The following CNTNAP2 variants were observed in gnomAD, a reference collection of about 807,000 sequenced individuals.
The protein encoded by CNTNAP2 is contactin associated protein 2.
CNTNAP2 carries 98 observed loss-of-function variants against 155.2 expected under a neutral mutation model. The observed-to-expected ratio is 0.63, with a 90% CI of 0.54 to 0.75. The LOEUF (loss-of-function observed/expected upper bound fraction) is 0.75. Ranked by LOEUF, CNTNAP2 falls within the 30% of genes least tolerant of loss-of-function variation. The pLI is 0.00. For missense variants in CNTNAP2, 1,727 were observed against 1,688.1 expected (o/e 1.02, Z -0.40); for synonymous variants, 651 against 631.2 (o/e 1.03, Z -0.47).
chr7:147,486,062 C>T, intron 11 of CNTNAP2, 21 bp downstream of exon 11: 1 of 1,593,942 alleles, frequency 6.3e-7, no homozygotes, highest in Non-Finnish European at 8.6e-7. Flanking sequence ...ATTTATCTCA[C>T]TTTAATCTTG....
intron 1 of CNTNAP2, among the ~76,000 whole-genome samples, chr7:146,359,459 G>A (rs1326881272): frequency 6.6e-6 from 1 of 152,212 alleles, no homozygotes; most frequent in African/African-American, 2.4e-5. Flanking sequence ...GGTAACCACA[G>A]AACATTCTAA....
At position 146,703,541 on chromosome 7, in the gene CNTNAP2, C is replaced by G. The variant is rs139622444; in HGVS notation, c.98-70730C>G. Among the ~76,000 whole-genome samples the G allele has an allele frequency of 2.1e-3, 313 of 152,148 alleles. 2 individuals carry two copies. The highest frequency in any genetic ancestry group is 5.3e-3 in the African/African-American group (221 of 41,534). ...TAACAACATATCATAAACTGGGTGG[C>G]TTATAAACAACAAACGTGTTTCTCA... On this transcript the variant is annotated intron_variant, in intron 1 of 23. Transcript: ENST00000361727.
At chr7:147,171,146 C>T (rs1043260582) in intron 8 of CNTNAP2, among the ~76,000 whole-genome samples, 12 of 152,246 alleles carry the variant, frequency 7.9e-5, no homozygotes, top group African/African-American at 1.9e-4. Context: ...TCTGCATGAG[C>T]GTGGGCTGTC....
chr7:147,003,734 A>G (rs1375733742), intron 3 of CNTNAP2, among the ~76,000 whole-genome samples: 3 of 152,014 alleles, frequency 2.0e-5, no homozygotes, highest in African/African-American at 4.8e-5. Context: ...GTTTAATGCC[A>G]TTTAACTGGT....
At chr7:146,682,067 C>T (rs1028779816) in intron 1 of CNTNAP2, among the ~76,000 whole-genome samples, 5 of 152,194 alleles carry the variant, frequency 3.3e-5, no homozygotes, top group African/African-American at 7.2e-5. Context: ...AGTCATAGAA[C>T]CATTGCTCAC....
intron 1 of CNTNAP2, among the ~76,000 whole-genome samples, chr7:146,758,957 C>CTGA (rs1348509462): frequency 6.6e-6 from 1 of 152,192 alleles, no homozygotes; most frequent in Non-Finnish European, 1.5e-5. Context: ...CAATTTGCTA[C>CTGA]TTATCACTGG....
In CNTNAP2 at chr7:147,726,659, G is replaced by A. The variant is rs189335372; in HGVS notation, c.2098+87353G>A. On this transcript the variant is annotated intron_variant, in intron 13 of 23. Coordinates refer to ENST00000361727, the MANE Select transcript of CNTNAP2 (RefSeq NM_014141.6). ...TCCTATAAATCCTTAACAAAACAGA[G>A]TTGTTTACATACTTCCCCCTTTAAT... 9.4e-3 allele frequency among the ~76,000 whole-genome samples: 1,434 copies of A among 151,962 alleles called. 5 individuals carry two copies. Among genetic ancestry groups the A allele is most frequent in the Non-Finnish European group, 0.015 (1,041 of 67,938 alleles).
At chr7:147,842,304 C>G (rs1014842619) in intron 13 of CNTNAP2, among the ~76,000 whole-genome samples, 2 of 152,328 alleles carry the variant, frequency 1.3e-5, no homozygotes. Context: ...TAGTCCCTTA[C>G]AGACTAAGAA....
intron 9 of CNTNAP2, among the ~76,000 whole-genome samples, chr7:147,374,690 G>A (rs1004607471): frequency 1.3e-5 from 2 of 151,984 alleles, no homozygotes; most frequent in African/African-American, 4.8e-5. Flanking sequence ...TCCTCCAGAG[G>A]AGGAGCCGGT....
At chr7:147,710,954 T>C (rs1172412680) in intron 13 of CNTNAP2, among the ~76,000 whole-genome samples, 4 of 152,152 alleles carry the variant, frequency 2.6e-5, no homozygotes, top group Non-Finnish European at 5.9e-5. Flanking sequence ...TGAAGGGCAT[T>C]TGATATTAGC....
At chr7:146,537,006 T>C (rs1432479674) in intron 1 of CNTNAP2, among the ~76,000 whole-genome samples, 1 of 152,120 alleles carries the variant, frequency 6.6e-6, no homozygotes, top group Admixed American at 6.6e-5. Context: ...AGAAAGACAT[T>C]TATATTTGAA....
At chr7:147,470,693 A>T (rs1246643719) in intron 10 of CNTNAP2, among the ~76,000 whole-genome samples, 1 of 152,190 alleles carries the variant, frequency 6.6e-6, no homozygotes, top group Non-Finnish European at 1.5e-5. Flanking sequence ...AGTGGCCATT[A>T]AGTGATTGAG....
intron 12 of CNTNAP2, among the ~76,000 whole-genome samples, chr7:147,620,664 A>G (rs939669903): frequency 6.6e-6 from 1 of 152,042 alleles, no homozygotes; most frequent in Admixed American, 6.6e-5. Context: ...AGTAAGCTTG[A>G]AGACAGGTTA....
intron 13 of CNTNAP2, 22 bp from the exon 14 acceptor site, chr7:147,903,543 A>G: frequency 6.2e-7 from 1 of 1,614,070 alleles, no homozygotes; most frequent in Non-Finnish European, 8.5e-7. Flanking sequence ...GTTTCTAAAT[A>G]TACCTTTGCC....
chr7:147,256,950 G>A (rs1171750906), intron 8 of CNTNAP2, among the ~76,000 whole-genome samples: 1 of 151,724 alleles, frequency 6.6e-6, no homozygotes, highest in East Asian at 1.9e-4. Flanking sequence ...GGGGGAAAAA[G>A]AGAAAAAAAA....
rs767099847 is a variant in CNTNAP2, at chr7:147,562,196, C to T, written c.1836C>T (p.Tyr612=). 1.9e-6 allele frequency: 3 copies of T among 1,614,048 alleles called. No homozygotes were observed. In the South Asian group the frequency reaches 3.3e-5, roughly 18 times the overall value. The change falls in exon 12 of 24, where the codon TAC becomes TAT. Residue 612 remains tyrosine (Y), a synonymous_variant. Transcript: ENST00000361727. ...YKHLGQTSNY[Y]WIDPDGSGPL... is the part of the protein sequence containing the mutation. ...ACCTAGGACAGACATCAAATTATTACTGGATAGATCCTGATGGCAGCGGAC... is the reference window on the plus strand; with the variant it reads ...ACCTAGGACAGACATCAAATTATTATTGGATAGATCCTGATGGCAGCGGAC...
intron 1 of CNTNAP2, among the ~76,000 whole-genome samples, chr7:146,390,771 T>C (rs1795529682): frequency 6.7e-6 from 1 of 148,412 alleles, no homozygotes; most frequent in South Asian, 2.1e-4. Flanking sequence ...ATTATACATA[T>C]TATAATACGT....
At chr7:146,929,001 G>C (rs1332806249) in intron 3 of CNTNAP2, among the ~76,000 whole-genome samples, 1 of 152,220 alleles carries the variant, frequency 6.6e-6, no homozygotes, top group Non-Finnish European at 1.5e-5. Context: ...CTCCACCTCT[G>C]GGGGCAGGGC....
chr7:148,088,150 G>A (rs1157983041), intron 15 of CNTNAP2, among the ~76,000 whole-genome samples: 2 of 151,924 alleles, frequency 1.3e-5, no homozygotes, highest in African/African-American at 2.4e-5. Context: ...AGCACTGATG[G>A]TCAATATGTT....
Sources: allele counts gnomAD v4.1 joint callset (sites outside exome capture counted in the v4.1 genomes callset), GRCh38; gene constraint gnomAD v4.1.1; transcripts MANE v1.5; gene names NCBI Gene and HGNC (gene_info 2026-07-23, HGNC 2026-07-21).